The following CNTN5 variants were observed in gnomAD, a reference collection of about 807,000 sequenced individuals.
CNTN5 encodes the protein contactin-5.
CNTN5 carries 77 observed loss-of-function variants against 129.1 expected under a neutral mutation model. The observed-to-expected ratio is 0.60, with a 90% CI of 0.50 to 0.72. CNTN5 has a LOEUF of 0.72. Ranked by LOEUF, CNTN5 falls within the 30% of genes least tolerant of loss-of-function variation. The pLI is 0.00. For missense variants in CNTN5, 1,478 were observed against 1,328.8 expected (o/e 1.11, Z -1.75); for synonymous variants, 509 against 465.6 (o/e 1.09, Z -1.20).
chr11:100,327,929 AT>A (rs1462258294), intron 21 of CNTN5, among the ~76,000 whole-genome samples: 1 of 152,214 alleles, frequency 6.6e-6, no homozygotes, highest in African/African-American at 2.4e-5. Context: ...TCTACATTTA[AT>A]AAAAGCAGAA....
intron 2 of CNTN5, among the ~76,000 whole-genome samples, chr11:99,540,060 C>G (rs2135491982): frequency 6.6e-6 from 1 of 152,224 alleles, no homozygotes; most frequent in South Asian, 2.1e-4. Context: ...GTGAACAAGT[C>G]CCACAAGGAC....
In CNTN5 at chr11:99,873,916, A is replaced by G. The variant is rs191488799; in HGVS notation, c.577+28654A>G. 5.4e-3 allele frequency among the ~76,000 whole-genome samples: 821 copies of G among 152,198 alleles called. 5 individuals are homozygous for G. Among genetic ancestry groups the G allele is most frequent in the African/African-American group, 0.018 (758 of 41,560 alleles). Reference sequence around the variant, plus strand: ...ATGATATCATATCCTTTGCAGCAACATGAATGGAGTTGGAGGCCATTATCC... The same window carrying G: ...ATGATATCATATCCTTTGCAGCAACGTGAATGGAGTTGGAGGCCATTATCC... On this transcript the variant is annotated intron_variant, in intron 6 of 24. Transcript: ENST00000524871.
chr11:99,287,591 T>A (rs1310366123), intron 1 of CNTN5, among the ~76,000 whole-genome samples: 1 of 152,034 alleles, frequency 6.6e-6, no homozygotes, highest in African/African-American at 2.4e-5. Context: ...ATATAGAGGA[T>A]CAAAACATTA....
At chr11:99,831,947 C>T (rs192301292) in intron 4 of CNTN5, among the ~76,000 whole-genome samples, 1 of 152,246 alleles carries the variant, frequency 6.6e-6, no homozygotes, top group East Asian at 1.9e-4. Flanking sequence ...TTCATGATTG[C>T]TCTCATTTGG....
intron 3 of CNTN5, among the ~76,000 whole-genome samples, chr11:99,660,102 A>G (rs1952541110): frequency 6.6e-6 from 1 of 152,124 alleles, no homozygotes; most frequent in Non-Finnish European, 1.5e-5. Flanking sequence ...CCCATAATAT[A>G]TTATATAGCT....
chr11:99,877,904 A>G (rs910671522), intron 6 of CNTN5, among the ~76,000 whole-genome samples: 20 of 152,182 alleles, frequency 1.3e-4, no homozygotes, highest in African/African-American at 4.8e-4. Context: ...AATATTCACC[A>G]CATTCTCATC....
At chr11:99,320,260 A>G (rs182656776) in intron 1 of CNTN5, among the ~76,000 whole-genome samples, 3 of 152,168 alleles carry the variant, frequency 2.0e-5, no homozygotes, top group Admixed American at 2.0e-4. Flanking sequence ...AAATAAATAA[A>G]TGGCTTTAGG....
At chr11:99,802,398 G>A (rs1473294931) in intron 3 of CNTN5, among the ~76,000 whole-genome samples, 4 of 152,152 alleles carry the variant, frequency 2.6e-5, no homozygotes, top group South Asian at 2.1e-4. Flanking sequence ...AAACCAGGAA[G>A]GCTCACCTAC....
At chr11:100,164,406 C>A (rs1017271131) in intron 13 of CNTN5, among the ~76,000 whole-genome samples, 1 of 151,668 alleles carries the variant, frequency 6.6e-6, no homozygotes, top group Admixed American at 6.6e-5. Flanking sequence ...ATAGCTATAT[C>A]TTTCTTATTC....
chr11:99,922,075 T>G (rs895689239), intron 7 of CNTN5, among the ~76,000 whole-genome samples: 2 of 152,068 alleles, frequency 1.3e-5, no homozygotes, highest in Non-Finnish European at 2.9e-5. Context: ...ACCGGGTAAT[T>G]TATAAAGAAA....
At chr11:99,831,838 G>T (rs2135614376) in intron 4 of CNTN5, among the ~76,000 whole-genome samples, 1 of 152,152 alleles carries the variant, frequency 6.6e-6, no homozygotes, top group South Asian at 2.1e-4. Flanking sequence ...TACCTACTAA[G>T]GTTTTTCACC....
intron 1 of CNTN5, among the ~76,000 whole-genome samples, chr11:99,167,220 G>A (rs540456262): frequency 2.6e-5 from 4 of 151,870 alleles, no homozygotes; most frequent in African/African-American, 7.2e-5. Context: ...TGGTTCTGCT[G>A]TTTCTAAAAA....
intron 13 of CNTN5, among the ~76,000 whole-genome samples, chr11:100,171,531 GA>G (rs1947825247): frequency 6.6e-6 from 1 of 152,006 alleles, no homozygotes; most frequent in South Asian, 2.1e-4. Context: ...ATTCAGTTCA[GA>G]GCACTGTGAA....
In CNTN5 at chr11:99,873,270, TA is replaced by T. The variant is rs141043332; in HGVS notation, c.577+28018del. Among the ~76,000 whole-genome samples, 355 of 148,702 alleles carry T rather than the reference TA, an allele frequency of 2.4e-3. 1 individual carries two copies. Among genetic ancestry groups the T allele is most frequent in the African/African-American group, 6.4e-3 (262 of 40,632 alleles). ...ATTCCTAAAGTTTGATTTTGCACAT[TA>T]AAAAAAAAATACGCCTTTTTAAATG... On this transcript the variant is annotated intron_variant, in intron 6 of 24. Transcript: ENST00000524871.
In CNTN5 at chr11:99,506,217, C is replaced by T. The variant is rs78674423; in HGVS notation, c.-70-49928C>T. ...TTGGTCAGCAAATTAGTCTGGGGCC[C>T]TTGCTCAGGATCGTACTAAAAATGA... On this transcript the variant is annotated intron_variant, in intron 2 of 24. Coordinates refer to ENST00000524871, the MANE Select transcript of CNTN5 (RefSeq NM_014361.4). Among the ~76,000 whole-genome samples the T allele has an allele frequency of 6.3e-3, 953 of 152,240 alleles. 8 individuals carry two copies. Among genetic ancestry groups the T allele is most frequent in the African/African-American group, 0.022 (896 of 41,524 alleles).
At chr11:99,342,683 A>G (rs1171661826) in intron 2 of CNTN5, among the ~76,000 whole-genome samples, 1 of 148,946 alleles carries the variant, frequency 6.7e-6, no homozygotes, top group Admixed American at 6.7e-5. Flanking sequence ...GGTTGTGGTG[A>G]TAGTACCACT....
chr11:99,421,436 G>C (rs1050908168), intron 2 of CNTN5, among the ~76,000 whole-genome samples: 1 of 152,152 alleles, frequency 6.6e-6, no homozygotes. Flanking sequence ...ATAGGAATAA[G>C]AACAGAATTC....
chr11:99,104,370 A>C (rs1344097786), intron 1 of CNTN5, among the ~76,000 whole-genome samples: 4 of 152,094 alleles, frequency 2.6e-5, no homozygotes, highest in Non-Finnish European at 5.9e-5. Flanking sequence ...AGGCAGTAGC[A>C]TCCTGAGTTA....
intron 3 of CNTN5, among the ~76,000 whole-genome samples, chr11:99,628,688 A>T (rs887431113): frequency 6.1e-5 from 6 of 97,706 alleles, no homozygotes; most frequent in African/African-American, 1.8e-4. Context: ...CATTGAATAT[A>T]ACAGCTCATA....
Sources: gnomAD v4.1 joint callset for allele counts (sites outside exome capture counted in the v4.1 genomes callset) on GRCh38, gnomAD v4.1.1 for gene constraint, MANE v1.5 for transcripts, NCBI Gene and HGNC (gene_info 2026-07-23, HGNC 2026-07-21) for gene names.